Variants in ERG observed in about 807,000 individuals in gnomAD.
ERG encodes the protein ETS transcription factor ERG.
A neutral mutation model predicts 55.3 loss-of-function variants in ERG; 9 were observed. The observed-to-expected ratio is 0.16, with a 90% CI of 0.10 to 0.28. The LOEUF (loss-of-function observed/expected upper bound fraction) is 0.28. ERG is among the 10% of genes least tolerant of loss of function. The pLI is 1.00. For missense variants in ERG, 434 were observed against 631.6 expected (o/e 0.69, Z 3.35); for synonymous variants, 223 against 237.3 (o/e 0.94, Z 0.55).
intron 2 of ERG, among the ~76,000 whole-genome samples, chr21:38,548,924 C>T (rs1179423012): frequency 6.6e-6 from 1 of 150,810 alleles, no homozygotes; most frequent in Non-Finnish European, 1.5e-5. Context: ...TCCTGGCTAA[C>T]ATGGTGAAAC....
intron 1 of ERG, among the ~76,000 whole-genome samples, chr21:38,578,971 C>T (rs559763987): frequency 6.6e-6 from 1 of 152,294 alleles, no homozygotes; most frequent in African/African-American, 2.4e-5. Context: ...TTCATCCCAA[C>T]ACAGAGACAT....
At chr21:38,537,357 A>G (rs2059718100) in intron 2 of ERG, among the ~76,000 whole-genome samples, 1 of 152,078 alleles carries the variant, frequency 6.6e-6, no homozygotes. Flanking sequence ...ACAAGCTATC[A>G]ACAAAGTCAA....
chr21:38,382,299 A>G lies in ERG; in HGVS notation c.*1104T>C, dbSNP rs1043829714. Reference sequence around the variant, plus strand: ...CGCACAGCGTTCGCGACTCAAAGGAAAACTGGAGGCCGCCTACCCAAAATG... The same window carrying G: ...CGCACAGCGTTCGCGACTCAAAGGAGAACTGGAGGCCGCCTACCCAAAATG... On this transcript the variant is annotated 3_prime_UTR_variant, in exon 10 of 10. Transcript: ENST00000288319. 50 of 1,054,838 alleles carry G rather than the reference A, an allele frequency of 4.7e-5. No homozygotes were observed. The highest frequency in any genetic ancestry group is 5.7e-5 in the Non-Finnish European group (50 of 872,540). The allele number at this position is 1,054,838 out of a possible 1,614,324, so 65.3% of individuals were successfully genotyped here. A position where few individuals can be genotyped will look rare whatever the true frequency, so the allele number is the denominator to read the frequency against.
At chr21:38,425,389 A>G (rs193026906) in intron 2 of ERG, among the ~76,000 whole-genome samples, 1 of 152,218 alleles carries the variant, frequency 6.6e-6, no homozygotes, top group Admixed American at 6.5e-5. Context: ...CCATCAAAAA[A>G]AGAAGAAAGG....
At chr21:38,378,871 G>T (rs146725034), downstream of ERG, among the ~76,000 whole-genome samples, 2 of 152,312 alleles carry the variant, frequency 1.3e-5, no homozygotes, top group African/African-American at 4.8e-5. Context: ...ACAAGCATTT[G>T]TTGCACCTCT....
intron 5 of ERG, among the ~76,000 whole-genome samples, chr21:38,401,739 C>T (rs1384931790): frequency 2.6e-5 from 4 of 152,096 alleles, no homozygotes; most frequent in Admixed American, 2.6e-4. Flanking sequence ...AGCCGGTGGC[C>T]ATGCTTCCGG....
chr21:38,438,357 CT>C (rs567650737), intron 2 of ERG, among the ~76,000 whole-genome samples: 5 of 152,102 alleles, frequency 3.3e-5, no homozygotes, highest in Non-Finnish European at 5.9e-5. Context: ...TGAGGCAAAA[CT>C]TTTTTGTATA....
At chr21:38,451,270 C>A (rs2058939306) in intron 1 of ERG, 2 of 483,408 alleles carry the variant, frequency 4.1e-6, no homozygotes, top group South Asian at 3.0e-5. Flanking sequence ...CTAGGTATAC[C>A]ATGCTCTTCT....
rs73437667 is a variant in ERG at position 38,383,685 on chromosome 21, G to A, written c.1158C>T (p.Tyr386=). Residue 386 remains tyrosine, a synonymous_variant, in exon 10 of 10, where the codon TAC becomes TAT. Coordinates refer to ENST00000288319, the MANE Select transcript of ERG (RefSeq NM_182918.4). The surrounding 1 kb of genome is among the most constrained non-coding windows in gnomAD (Gnocchi z 5.7). Reference sequence around the variant, plus strand: ...TCCCGTGGAAGTCGAACTTGTAGGCGTAGCGCTTCCCATGGACCTTGGTCA... The same window carrying A: ...TCCCGTGGAAGTCGAACTTGTAGGCATAGCGCTTCCCATGGACCTTGGTCA... ...NIMTKVHGKR[Y]AYKFDFHGIA... The A allele has an allele frequency of 1.1e-3, 1,729 of 1,614,186 alleles. 24 individuals are homozygous for A. In the African/African-American group the frequency reaches 0.019, roughly 18 times the overall value.
At chr21:38,447,819 G>T (rs16996328) in intron 1 of ERG, among the ~76,000 whole-genome samples, 1 of 151,956 alleles carries the variant, frequency 6.6e-6, no homozygotes, top group Admixed American at 6.6e-5. Context: ...ACCAAGGCTC[G>T]CAGGGGAATA....
chr21:38,613,350 A>C (rs971789890), intron 1 of ERG, among the ~76,000 whole-genome samples: 1 of 152,240 alleles, frequency 6.6e-6, no homozygotes, highest in South Asian at 2.1e-4. Context: ...TGACTAGACT[A>C]TGAAACCTCT....
intron 1 of ERG, among the ~76,000 whole-genome samples, chr21:38,628,260 T>C (rs56159937): frequency 0.14 from 21,150 of 152,196 alleles, 1,693 homozygotes; most frequent in East Asian, 0.29. Flanking sequence ...TGCTTTTTCT[T>C]TCTTTTGCTT....
chr21:38,546,640 C>G (rs753065835), intron 2 of ERG, among the ~76,000 whole-genome samples: 2 of 152,172 alleles, frequency 1.3e-5, no homozygotes, highest in Non-Finnish European at 2.9e-5. Context: ...ATGTCTATAT[C>G]AAAAGAAGAA....
At chr21:38,479,046 G>C (rs1160269778) in intron 1 of ERG, among the ~76,000 whole-genome samples, 1 of 152,278 alleles carries the variant, frequency 6.6e-6, no homozygotes, top group Non-Finnish European at 1.5e-5. Flanking sequence ...ATCATACTCA[G>C]TATCTTGTGA....
chr21:38,491,402 G>A (rs554178862), intron 1 of ERG, among the ~76,000 whole-genome samples: 4 of 152,174 alleles, frequency 2.6e-5, no homozygotes, highest in South Asian at 2.1e-4. Context: ...AAACCAGCAA[G>A]GGAGATTTTA....
At chr21:38,601,272 A>G (rs2060162893) in intron 1 of ERG, among the ~76,000 whole-genome samples, 1 of 152,182 alleles carries the variant, frequency 6.6e-6, no homozygotes. Flanking sequence ...CTGAATCCCA[A>G]CTGAAGGCTC....
chr21:38,518,556 A>G (rs2059570585), intron 2 of ERG, among the ~76,000 whole-genome samples: 1 of 152,170 alleles, frequency 6.6e-6, no homozygotes, highest in East Asian at 1.9e-4. Context: ...CTGTTGGTAA[A>G]TGATGCTGGA....
At chr21:38,393,551 T>G (rs376361096) in intron 6 of ERG, among the ~76,000 whole-genome samples, 5 of 152,208 alleles carry the variant, frequency 3.3e-5, no homozygotes, top group African/African-American at 1.2e-4. Flanking sequence ...AAAATTTCAC[T>G]TGGAGGGTAG....
chr21:38,533,254 GA>G (rs1163751443), intron 2 of ERG, among the ~76,000 whole-genome samples: 3 of 151,994 alleles, frequency 2.0e-5, no homozygotes, highest in Middle Eastern at 3.4e-3. Flanking sequence ...TCTTACCATA[GA>G]ATTCCAGAAG....
Sources: gnomAD v4.1 joint callset for allele counts (sites outside exome capture counted in the v4.1 genomes callset) on GRCh38, gnomAD v4.1.1 for gene constraint, Gnocchi (gnomAD v3.1) non-coding constraint, MANE v1.5 for transcripts, NCBI Gene and HGNC (gene_info 2026-07-23, HGNC 2026-07-21) for gene names.